The following TMEM117 variants were observed in gnomAD, a reference collection of about 807,000 sequenced individuals.
The protein encoded by TMEM117 is transmembrane protein 117.
In TMEM117, 27 loss-of-function variants were observed where a neutral mutation model predicts 52.4. The observed-to-expected ratio is 0.51, with a 90% CI of 0.38 to 0.71. The LOEUF (loss-of-function observed/expected upper bound fraction) is 0.71. TMEM117 is among the 30% of genes least tolerant of loss of function. The probability of loss-of-function intolerance (pLI) is 0.00; values close to 1 mark genes in which losing one functional copy is unlikely to be tolerated. For missense variants in TMEM117, 556 were observed against 630.5 expected, an observed-to-expected ratio of 0.88 and a Z score of 1.26; for synonymous variants, 215 against 206.3, an observed-to-expected ratio of 1.04 and a Z score of -0.36.
intron 3 of TMEM117, among the ~76,000 whole-genome samples, chr12:43,951,923 G>C (rs1359254620): frequency 6.6e-6 from 1 of 152,196 alleles, no homozygotes; most frequent in Non-Finnish European, 1.5e-5. Flanking sequence ...CCTCTGGGAA[G>C]AACCTTTCAG....
At chr12:44,160,253 T>G (rs1948880696) in intron 4 of TMEM117, among the ~76,000 whole-genome samples, 1 of 152,076 alleles carries the variant, frequency 6.6e-6, no homozygotes, top group Non-Finnish European at 1.5e-5. Flanking sequence ...GTTCATGCAT[T>G]AAGTAAATTA....
chr12:43,806,047 G>A, the TMEM117 span: 1 of 1,518,822 alleles, frequency 6.6e-7, no homozygotes, highest in East Asian at 2.5e-5. Context: ...GAGGACGCAG[G>A]CCGGCAGCGC....
rs1183527438 is a variant in TMEM117 at position 43,837,160 on chromosome 12, C to T, written c.-29+964C>T. ...TGACATTTTGTCTCAGGCATTTATC[C>T]CTCCTATTCCACCCTCCATCTGATC... On this transcript the variant is annotated intron_variant, in intron 1 of 7. Transcript: ENST00000266534. 2.0e-5 allele frequency among the ~76,000 whole-genome samples: 3 copies of T among 151,978 alleles called. No individual in the cohort carries two copies. The South Asian group carries it at 6.2e-4, about 32-fold the overall frequency.
intron 6 of TMEM117, among the ~76,000 whole-genome samples, chr12:44,350,653 A>T (rs746275109): frequency 6.6e-6 from 1 of 152,006 alleles, no homozygotes; most frequent in Non-Finnish European, 1.5e-5. Flanking sequence ...TTCACTTAAC[A>T]TAATGACCCC....
intron 4 of TMEM117, among the ~76,000 whole-genome samples, chr12:44,157,599 G>C (rs992411805): frequency 2.0e-5 from 3 of 152,082 alleles, no homozygotes; most frequent in African/African-American, 7.2e-5. Context: ...GAGGTCGGCT[G>C]TAAGTAGGTC....
chr12:43,946,384 TTTTTTTTTTTGTTTG>T (rs1377263006), intron 3 of TMEM117, among the ~76,000 whole-genome samples: 4 of 21,784 alleles, frequency 1.8e-4, no homozygotes, highest in Non-Finnish European at 2.4e-4. Flanking sequence ...TTCTGTTTTT[TTTTTTTTTTTGTTTG>T]TTTTTTTATC....
At chr12:44,049,809 G>T (rs979400682) in intron 3 of TMEM117, among the ~76,000 whole-genome samples, 6 of 152,154 alleles carry the variant, frequency 3.9e-5, no homozygotes, top group Admixed American at 3.9e-4. Context: ...ATAAAATAAA[G>T]GGCTGGGTTA....
chr12:44,182,327 C>A (rs1317700929), intron 4 of TMEM117, among the ~76,000 whole-genome samples: 1 of 152,112 alleles, frequency 6.6e-6, no homozygotes, highest in Non-Finnish European at 1.5e-5. Flanking sequence ...TCCTCTTTTC[C>A]TAATGGAATA....
At chr12:43,880,264 G>A (rs564369408) in intron 2 of TMEM117, among the ~76,000 whole-genome samples, 2 of 152,068 alleles carry the variant, frequency 1.3e-5, no homozygotes, top group Middle Eastern at 3.4e-3. Flanking sequence ...GGTGGCTTTT[G>A]CTTTTTTATT....
At chr12:43,846,237 A>G (rs76350700) in intron 2 of TMEM117, among the ~76,000 whole-genome samples, 3,387 of 152,290 alleles carry the variant, frequency 0.022, 74 homozygotes, top group East Asian at 0.067. Context: ...GTAACTTACT[A>G]TAAGGATGTT....
intron 6 of TMEM117, among the ~76,000 whole-genome samples, chr12:44,374,148 C>G (rs73090676): frequency 6.6e-6 from 1 of 152,044 alleles, no homozygotes; most frequent in Admixed American, 6.6e-5. Context: ...ATCATTATTA[C>G]TTTTCTGCTC....
chr12:44,294,802 C>A (rs1246745406), intron 5 of TMEM117, among the ~76,000 whole-genome samples: 2 of 152,226 alleles, frequency 1.3e-5, no homozygotes, highest in Non-Finnish European at 2.9e-5. Context: ...AATCCACATC[C>A]TGGACAAGAA....
chr12:43,960,028 A>G (rs942214332), intron 3 of TMEM117, among the ~76,000 whole-genome samples: 2 of 152,212 alleles, frequency 1.3e-5, no homozygotes, highest in Non-Finnish European at 2.9e-5. Context: ...CCTTGATTCA[A>G]TAGCTGAAAA....
intron 3 of TMEM117, among the ~76,000 whole-genome samples, chr12:44,119,510 C>G (rs1303568103): frequency 1.3e-5 from 2 of 152,130 alleles, no homozygotes; most frequent in Non-Finnish European, 2.9e-5. Flanking sequence ...CCTATCTATC[C>G]AAAGGTACTT....
intron 3 of TMEM117, among the ~76,000 whole-genome samples, chr12:44,127,232 C>G (rs1404571203): frequency 6.6e-6 from 1 of 152,132 alleles, no homozygotes; most frequent in Non-Finnish European, 1.5e-5. Flanking sequence ...GTAAAAACAA[C>G]TGTATCTTTA....
chr12:44,273,401 AT>A (rs1320988022), intron 5 of TMEM117, among the ~76,000 whole-genome samples: 1 of 151,636 alleles, frequency 6.6e-6, no homozygotes, highest in Non-Finnish European at 1.5e-5. Context: ...AAAAGAACTA[AT>A]ACCAATAGTA....
chr12:43,875,232 TG>T (rs1243788860), intron 2 of TMEM117, among the ~76,000 whole-genome samples: 54 of 151,626 alleles, frequency 3.6e-4, no homozygotes, highest in Non-Finnish European at 3.5e-4. Context: ...TGTGTGTGTG[TG>T]TGTGTGTGTG....
At chr12:44,176,077 TTGTC>T (rs1337493708) in intron 4 of TMEM117, among the ~76,000 whole-genome samples, 2 of 152,160 alleles carry the variant, frequency 1.3e-5, no homozygotes, top group Middle Eastern at 3.2e-3. Context: ...TATTATTTGT[TTGTC>T]TGATTTTTAA....
chr12:44,357,983 A>G (rs1951673670), intron 6 of TMEM117, among the ~76,000 whole-genome samples: 3 of 152,184 alleles, frequency 2.0e-5, no homozygotes, highest in Admixed American at 2.0e-4. Context: ...ATGGAATACT[A>G]TGCAGCCATA....
Sources: allele counts gnomAD v4.1 joint callset (sites outside exome capture counted in the v4.1 genomes callset), GRCh38; gene constraint gnomAD v4.1.1; transcripts MANE v1.5; gene names NCBI Gene and HGNC (gene_info 2026-07-23, HGNC 2026-07-21).